The following ADGRB3 variants were observed in gnomAD, a reference collection of about 807,000 sequenced individuals.
The protein encoded by ADGRB3 is adhesion G protein-coupled receptor B3.
ADGRB3 carries 37 observed loss-of-function variants against 193.4 expected under a neutral mutation model. The observed-to-expected ratio is 0.19, with a 90% CI of 0.15 to 0.25. The LOEUF is 0.25. ADGRB3 is among the 10% of genes least tolerant of loss of function. The pLI is 1.00. For synonymous variants in ADGRB3, 690 were observed against 644.2 expected (o/e 1.07, Z -1.08); for missense variants, 1,637 against 1,852.9 (o/e 0.88, Z 2.14).
chr6:69,021,500 G>A (rs986919413), intron 13 of ADGRB3, among the ~76,000 whole-genome samples: 2 of 151,850 alleles, frequency 1.3e-5, no homozygotes, highest in African/African-American at 4.8e-5. Context: ...GGAAGCAGAA[G>A]CAGTGCTATT....
Position 69,339,418 on chromosome 6 carries a change from T to C in ADGRB3, c.3373T>C (p.Ser1125Pro). Residue 1125 changes from serine (S) to proline (P), a missense_variant, in exon 26 of 32, where the codon TCC becomes CCC. Around this residue, in one of 7 missense-constraint regions of ADGRB3, gnomAD observed 116 missense variants for 168.1 expected, o/e 0.69. Transcript: ENST00000370598. ...SAVLAMTDKR[S>P]ILFQILFAVF... is the part of the protein sequence containing the mutation. ...GGTTCTGGCCATGACAGATAAACGC[T>C]CCATATTGTTTCAAATACTTTTTGC... 1 of 1,614,046 alleles carries C rather than the reference T, an allele frequency of 6.2e-7. No homozygotes were observed. Among genetic ancestry groups the C allele is most frequent in the Non-Finnish European group, 8.5e-7 (1 of 1,179,950 alleles).
chr6:69,184,515 T>A (rs1281888821), intron 17 of ADGRB3, among the ~76,000 whole-genome samples: 1 of 152,136 alleles, frequency 6.6e-6, no homozygotes, highest in Admixed American at 6.5e-5. Context: ...GTTTTATAAT[T>A]TTCTGTGACA....
chr6:69,323,552 A>G (rs1768507964), intron 20 of ADGRB3, among the ~76,000 whole-genome samples: 1 of 152,188 alleles, frequency 6.6e-6, no homozygotes, highest in African/African-American at 2.4e-5. Context: ...AAATAGGTTT[A>G]AGTACTACAT....
intron 3 of ADGRB3, among the ~76,000 whole-genome samples, chr6:68,685,505 TTAATA>T (rs1470585805): frequency 6.6e-6 from 1 of 152,010 alleles, no homozygotes; most frequent in Non-Finnish European, 1.5e-5. Flanking sequence ...TTAAAGTTCT[TTAATA>T]TAAGGCAAAT....
Position 68,956,764 on chromosome 6 carries a change from G to A in ADGRB3, c.1480G>A (p.Gly494Arg). The change falls in exon 8 of 32, where the codon GGA (glycine) becomes AGA (arginine). Residue 494 changes from glycine (G) to arginine (R), a missense_variant. Coordinates refer to ENST00000370598, the MANE Select transcript of ADGRB3 (RefSeq NM_001704.3). ...AGTGATAACAGGGCAGCAATGTGAA[G>A]GAACGGGCGAAGAAGTGAGAAGATG... Reference protein sequence around the residue: ...GAVITGQQCEGTGEEVRRCNE... With the variant: ...GAVITGQQCERTGEEVRRCNE... 1 of 1,613,968 alleles carries A rather than the reference G, an allele frequency of 6.2e-7. No homozygotes were observed. The highest frequency in any genetic ancestry group is 8.5e-7 in the Non-Finnish European group (1 of 1,179,942).
intron 20 of ADGRB3, among the ~76,000 whole-genome samples, chr6:69,324,623 A>C (rs1768529358): frequency 6.6e-6 from 1 of 152,220 alleles, no homozygotes; most frequent in African/African-American, 2.4e-5. Flanking sequence ...TCAAATTTAC[A>C]TTCAGGGTTC....
At chr6:69,102,967 T>A (rs1320094045) in intron 17 of ADGRB3, among the ~76,000 whole-genome samples, 1 of 152,244 alleles carries the variant, frequency 6.6e-6, no homozygotes, top group Non-Finnish European at 1.5e-5. Flanking sequence ...ATTCTTTTAC[T>A]GCTCCGTTCA....
At chr6:69,001,910 T>C (rs1292018369) in intron 11 of ADGRB3, among the ~76,000 whole-genome samples, 1 of 152,212 alleles carries the variant, frequency 6.6e-6, no homozygotes, top group Non-Finnish European at 1.5e-5. Context: ...TCCAAAATAA[T>C]ATTTACCTCA....
intron 17 of ADGRB3, among the ~76,000 whole-genome samples, chr6:69,195,231 G>A (rs1407682890): frequency 1.3e-5 from 2 of 152,048 alleles, no homozygotes; most frequent in African/African-American, 4.8e-5. Flanking sequence ...ACTCTTAGAA[G>A]TTTAAGACAC....
chr6:69,167,129 C>T (rs926489328), intron 17 of ADGRB3, among the ~76,000 whole-genome samples: 1 of 152,098 alleles, frequency 6.6e-6, no homozygotes, highest in Non-Finnish European at 1.5e-5. Flanking sequence ...TCATCCCATG[C>T]ATCACTTATA....
chr6:68,973,794 A>G (rs1200444581), intron 8 of ADGRB3, among the ~76,000 whole-genome samples: 5 of 152,208 alleles, frequency 3.3e-5, no homozygotes, highest in African/African-American at 7.2e-5. Context: ...GAAAAGCACA[A>G]CAGTGTGTGT....
chr6:69,292,312 T>C (rs1286948655), intron 20 of ADGRB3, among the ~76,000 whole-genome samples: 1 of 152,124 alleles, frequency 6.6e-6, no homozygotes, highest in African/African-American at 2.4e-5. Flanking sequence ...ATAATTACTA[T>C]TAAGAAGTAT....
intron 16 of ADGRB3, 48 bp from the exon 17 acceptor site, chr6:69,075,947 T>A (rs1437049588): frequency 7.2e-7 from 1 of 1,394,340 alleles, no homozygotes. Flanking sequence ...TCAATCTTTT[T>A]ATATATGTAC....
chr6:68,772,889 A>AT (rs1766655805), intron 3 of ADGRB3, among the ~76,000 whole-genome samples: 125 of 43,514 alleles, frequency 2.9e-3, no homozygotes, highest in Non-Finnish European at 3.9e-3. Context: ...AAACAAAAAA[A>AT]AAAAAATATA....
rs575097749 is a variant in ADGRB3, at chr6:69,075,308, A to G, written c.2437-687A>G. ...ACAGAATCTGTAGAAACATGTATCT[A>G]AATACATTAGAACTCTTCAAAACAG... is the stretch of plus-strand genomic sequence containing the variant. On this transcript the variant is annotated intron_variant, in intron 16 of 31. Coordinates refer to ENST00000370598, the MANE Select transcript of ADGRB3 (RefSeq NM_001704.3). Among the ~76,000 whole-genome samples, 6 of 152,358 alleles carry G rather than the reference A, an allele frequency of 3.9e-5. 1 individual carries two copies. The South Asian group carries it at 1.2e-3, about 32-fold the overall frequency.
At chr6:68,734,542 A>G (rs1044425128) in intron 3 of ADGRB3, among the ~76,000 whole-genome samples, 7 of 151,980 alleles carry the variant, frequency 4.6e-5, no homozygotes, top group African/African-American at 4.8e-5. Context: ...AGCCGTCTGT[A>G]TATTTAAATT....
intron 17 of ADGRB3, among the ~76,000 whole-genome samples, chr6:69,210,090 T>C (rs1234260435): frequency 7.2e-6 from 1 of 139,796 alleles, no homozygotes; most frequent in Non-Finnish European, 1.5e-5. Flanking sequence ...ACAGAACTAA[T>C]TGAATATATG....
chr6:68,904,643 T>G (rs1301185161), intron 3 of ADGRB3, among the ~76,000 whole-genome samples: 1 of 152,206 alleles, frequency 6.6e-6, no homozygotes, highest in East Asian at 1.9e-4. Context: ...TACACATAAA[T>G]CTGACTCATA....
intron 6 of ADGRB3, among the ~76,000 whole-genome samples, chr6:68,948,090 C>T (rs928792704): frequency 6.6e-6 from 1 of 152,062 alleles, no homozygotes; most frequent in Non-Finnish European, 1.5e-5. Flanking sequence ...GGATAATAAA[C>T]CTTAATAAAT....
Sources: allele counts gnomAD v4.1 joint callset (sites outside exome capture counted in the v4.1 genomes callset), GRCh38; gene constraint gnomAD v4.1.1; regional missense constraint gnomAD v4.1.1; transcripts MANE v1.5; gene names NCBI Gene and HGNC (gene_info 2026-07-23, HGNC 2026-07-21).